Variants in PACRG observed in about 807,000 individuals in gnomAD.
PACRG encodes parkin coregulated, also known as parkin coregulated gene protein.
A neutral mutation model predicts 29.7 loss-of-function variants in PACRG; 29 were observed. The observed-to-expected ratio is 0.98, with a 90% CI of 0.73 to 1.33. The LOEUF (loss-of-function observed/expected upper bound fraction) is 1.33. Ranked by LOEUF, PACRG falls within the 40% of genes most tolerant of loss-of-function variation. The probability of loss-of-function intolerance (pLI) is 0.00; values close to 1 mark genes in which losing one functional copy is unlikely to be tolerated. For synonymous variants in PACRG, 116 were observed against 118.7 expected (o/e 0.98, Z 0.15); for missense variants, 279 against 316.2 (o/e 0.88, Z 0.89).
intron 2 of PACRG, among the ~76,000 whole-genome samples, chr6:162,930,970 A>G (rs1159110752): frequency 6.6e-6 from 1 of 151,618 alleles, no homozygotes; most frequent in Non-Finnish European, 1.5e-5. Context: ...TTTTGGATTC[A>G]GTTTGCTAGT....
chr6:163,009,793 A>T (rs1805448180), intron 2 of PACRG, among the ~76,000 whole-genome samples: 1 of 152,250 alleles, frequency 6.6e-6, no homozygotes, highest in Non-Finnish European at 1.5e-5. Flanking sequence ...TGGCAATAGA[A>T]TTTTAAACTT....
At chr6:163,211,059 T>G (rs1449033168) in intron 4 of PACRG, among the ~76,000 whole-genome samples, 1 of 152,226 alleles carries the variant, frequency 6.6e-6, no homozygotes, top group East Asian at 1.9e-4. Context: ...CTCCTAGGCT[T>G]ACATGATAGA....
At chr6:162,988,263 G>A (rs1210699525) in intron 2 of PACRG, among the ~76,000 whole-genome samples, 3 of 152,164 alleles carry the variant, frequency 2.0e-5, no homozygotes, top group Non-Finnish European at 4.4e-5. Context: ...GAAGAATGTT[G>A]TGAATTTCAC....
intron 2 of PACRG, among the ~76,000 whole-genome samples, chr6:163,053,134 G>GT (rs1469428655): frequency 6.6e-6 from 1 of 151,960 alleles, no homozygotes; most frequent in Non-Finnish European, 1.5e-5. Flanking sequence ...AAATAAACTA[G>GT]TTATCCTAAG....
At chr6:163,259,185 G>A (rs1009917597) in intron 4 of PACRG, among the ~76,000 whole-genome samples, 4 of 152,054 alleles carry the variant, frequency 2.6e-5, no homozygotes, top group Admixed American at 6.6e-5. Context: ...TCCCAACCCC[G>A]TGCTCCTTTC....
chr6:163,052,310 G>T (rs767239634), intron 2 of PACRG, among the ~76,000 whole-genome samples: 1 of 152,142 alleles, frequency 6.6e-6, no homozygotes, highest in Non-Finnish European at 1.5e-5. Flanking sequence ...AGATTAATTT[G>T]TGTTTCTGAG....
At chr6:162,882,174 G>C (rs1047322714) in intron 2 of PACRG, among the ~76,000 whole-genome samples, 2 of 136,032 alleles carry the variant, frequency 1.5e-5, no homozygotes, top group Non-Finnish European at 3.2e-5. Flanking sequence ...TCTCCACCAA[G>C]ACCAGAGACT....
intron 4 of PACRG, among the ~76,000 whole-genome samples, chr6:163,152,773 G>A (rs1342589387): frequency 6.6e-6 from 1 of 152,202 alleles, no homozygotes; most frequent in Non-Finnish European, 1.5e-5. Flanking sequence ...TTGGCAAAGT[G>A]ATTTTGAAAA....
intron 2 of PACRG, among the ~76,000 whole-genome samples, chr6:162,860,212 A>G (rs1025930124): frequency 1.3e-5 from 2 of 152,234 alleles, no homozygotes; most frequent in African/African-American, 4.8e-5. Flanking sequence ...TAAAGAAAAC[A>G]TTCTTGTAAC....
At chr6:162,996,491 G>A (rs979015823) in intron 2 of PACRG, among the ~76,000 whole-genome samples, 4 of 152,080 alleles carry the variant, frequency 2.6e-5, no homozygotes, top group Admixed American at 6.5e-5. Context: ...GATGCTCTAG[G>A]TTAGAGCTAG....
intron 4 of PACRG, among the ~76,000 whole-genome samples, chr6:163,269,172 G>T (rs910794585): frequency 6.6e-6 from 1 of 152,190 alleles, no homozygotes; most frequent in African/African-American, 2.4e-5. Flanking sequence ...ACAAATGGAG[G>T]CACACATCCT....
chr6:162,821,445 A>C (rs1393644307), intron 2 of PACRG, among the ~76,000 whole-genome samples: 1 of 152,246 alleles, frequency 6.6e-6, no homozygotes, highest in Non-Finnish European at 1.5e-5. Flanking sequence ...AAATGTTGTA[A>C]GTTTCAGATC....
chr6:162,868,610 G>C lies in PACRG; in HGVS notation c.291+54329G>C, dbSNP rs113908917. Among the ~76,000 whole-genome samples the C allele has an allele frequency of 3.3e-5, 5 of 152,302 alleles. 1 individual carries two copies. The highest frequency in any genetic ancestry group is 1.2e-4 in the African/African-American group (5 of 41,576). On this transcript the variant is annotated intron_variant, in intron 2 of 4. Transcript: ENST00000366888. ...GTTTCTTCCAGCCCCGCCCCATGCA[G>C]GTGAGATCCCTACTCACAGCCTAGG...
intron 2 of PACRG, among the ~76,000 whole-genome samples, chr6:162,818,785 C>T (rs150861103): frequency 6.6e-5 from 10 of 152,230 alleles, no homozygotes; most frequent in East Asian, 1.9e-4. Context: ...TGCACTAAGA[C>T]GGTCTTGTTT....
intron 2 of PACRG, among the ~76,000 whole-genome samples, chr6:162,967,927 C>G (rs1280775444): frequency 1.3e-5 from 2 of 152,066 alleles, no homozygotes; most frequent in Admixed American, 1.3e-4. Context: ...ATTTTGAAAG[C>G]TAAATCATTG....
intron 4 of PACRG, among the ~76,000 whole-genome samples, chr6:163,092,660 A>G (rs1431648897): frequency 2.0e-5 from 3 of 152,188 alleles, no homozygotes; most frequent in South Asian, 2.1e-4. Context: ...TTTTCTGTCT[A>G]CACAAGATAT....
intron 1 of PACRG, among the ~76,000 whole-genome samples, chr6:162,755,346 T>C (rs1781826333): frequency 6.6e-6 from 1 of 152,200 alleles, no homozygotes; most frequent in East Asian, 1.9e-4. Flanking sequence ...GGTTGGTTTG[T>C]ATTTCTCTTT....
At chr6:163,236,102 C>T (rs981287744) in intron 4 of PACRG, among the ~76,000 whole-genome samples, 2 of 150,738 alleles carry the variant, frequency 1.3e-5, no homozygotes, top group African/African-American at 4.9e-5. Context: ...CTACAAGATA[C>T]TTTGAAAGAT....
chr6:162,761,717 T>G (rs950257163), intron 1 of PACRG, among the ~76,000 whole-genome samples: 1 of 152,024 alleles, frequency 6.6e-6, no homozygotes, highest in African/African-American at 2.4e-5. Context: ...GGCAGGCAGA[T>G]CACGAGGTCA....
Sources: gnomAD v4.1 joint callset for allele counts (sites outside exome capture counted in the v4.1 genomes callset) on GRCh38, gnomAD v4.1.1 for gene constraint, MANE v1.5 for transcripts, NCBI Gene and HGNC (gene_info 2026-07-23, HGNC 2026-07-21) for gene names.